Variants in DSG3 observed in about 807,000 individuals in gnomAD.
DSG3 encodes the protein desmoglein-3.
Under a neutral mutation model 85.9 loss-of-function variants are expected in DSG3, and 63 were observed. The ratio of observed to expected loss-of-function variants is 0.73; its 90% CI spans 0.60 to 0.90. The LOEUF is 0.90. DSG3 is among the 40% of genes least tolerant of loss of function. The probability of loss-of-function intolerance (pLI) is 0.00; values close to 1 mark genes in which losing one functional copy is unlikely to be tolerated. For missense variants in DSG3, 1,220 were observed against 1,219.9 expected (o/e 1.00, Z 0.00); for synonymous variants, 447 against 441.9 (o/e 1.01, Z -0.14).
At chr18:31,452,712 T>C (rs1233574500) in intron 1 of DSG3, among the ~76,000 whole-genome samples, 2 of 152,120 alleles carry the variant, frequency 1.3e-5, no homozygotes, top group Non-Finnish European at 2.9e-5. Context: ...TAATTTTTAT[T>C]CCTATTGTAC....
At chr18:31,451,976 A>G (rs936690439) in intron 1 of DSG3, among the ~76,000 whole-genome samples, 1 of 152,218 alleles carries the variant, frequency 6.6e-6, no homozygotes, top group African/African-American at 2.4e-5. Context: ...TCACAAGATG[A>G]ATAATTGAAT....
At position 31,475,760 on chromosome 18, in the gene DSG3, T is replaced by C. The variant is rs1256443738; in HGVS notation, c.2500T>C (p.Cys834Arg). Residue 834 changes from cysteine to arginine, a missense_variant, in exon 16 of 16, where the codon TGC (cysteine) becomes CGC (arginine). By Grantham distance (180) the Cys-to-Arg change is radical. Coordinates refer to ENST00000257189, the MANE Select transcript of DSG3 (RefSeq NM_001944.3). The part of the protein sequence containing the change: ...TGSPVGSVGC[C>R]SFIADDLDDS... ...TTCTCCTGTGGGCTCCGTGGGTTGT[T>C]GCAGTTTTATTGCTGATGACCTGGA... The C allele has an allele frequency of 1.9e-6, 3 of 1,614,216 alleles. No individual in the cohort carries two copies. Among genetic ancestry groups the C allele is most frequent in the Non-Finnish European group, 2.5e-6 (3 of 1,180,042 alleles).
chr18:31,450,387 G>A (rs1463233804), intron 1 of DSG3, among the ~76,000 whole-genome samples: 2 of 152,206 alleles, frequency 1.3e-5, no homozygotes, highest in Non-Finnish European at 2.9e-5. Context: ...AATTGGAAAG[G>A]CAGCTGAGGG....
chr18:31,473,986 C>T, intron 14 of DSG3, 135 bp from the exon 15 acceptor site: 2 of 799,356 alleles, frequency 2.5e-6, no homozygotes, highest in East Asian at 2.7e-5. Flanking sequence ...ATGTTATCAC[C>T]TCTAGTCATA....
At chr18:31,451,267 C>T (rs1303424684) in intron 1 of DSG3, among the ~76,000 whole-genome samples, 1 of 152,158 alleles carries the variant, frequency 6.6e-6, no homozygotes, top group African/African-American at 2.4e-5. Flanking sequence ...AGTTTGTCAT[C>T]CAACACTGCT....
chr18:31,457,556 T>G (rs2072752559), intron 3 of DSG3, among the ~76,000 whole-genome samples: 1 of 110,218 alleles, frequency 9.1e-6, no homozygotes, highest in Non-Finnish European at 1.7e-5. Flanking sequence ...TCTCTTTCTT[T>G]CTTTCTTTCT....
chr18:31,458,749 C>A, intron 4 of DSG3, 149 bp downstream of exon 4: 3 of 992,008 alleles, frequency 3.0e-6, no homozygotes, highest in South Asian at 1.7e-5. Flanking sequence ...TCCACAGAGC[C>A]TCGCCTGAGG....
Position 31,456,847 on chromosome 18 carries a change from A to G in DSG3, c.85-146A>G, listed in dbSNP as rs147705464. ...ATTTAACATTTATTACTTGCTTGAC[A>G]AAGTATCAGGTAGAGCTAATTAGAT... On this transcript the variant is annotated intron_variant, in intron 2 of 15. Transcript: ENST00000257189. 1.8e-3 allele frequency: 1,249 copies of G among 684,172 alleles called. 10 individuals are homozygous for G. The African/African-American group carries it at 0.019, about 11-fold the overall frequency. The allele number at this position is 684,172 out of a possible 1,614,324, so 42.4% of individuals were successfully genotyped here. A position where few individuals can be genotyped will look rare whatever the true frequency, so the allele number is the denominator to read the frequency against.
intron 14 of DSG3, among the ~76,000 whole-genome samples, chr18:31,473,178 C>T (rs1215773631): frequency 1.3e-5 from 2 of 152,180 alleles, no homozygotes; most frequent in African/African-American, 2.4e-5. Context: ...CTTTTCCAAA[C>T]ATTAGTCATA....
At chr18:31,469,372 T>C (rs767478870) in intron 12 of DSG3, 23 bp downstream of exon 12, 2 of 1,611,026 alleles carry the variant, frequency 1.2e-6, no homozygotes, top group African/African-American at 2.7e-5. Flanking sequence ...TGTTTCATTC[T>C]CTGTTGGACC....
intron 3 of DSG3, 42 bp downstream of exon 3, chr18:31,457,166 T>C: frequency 6.4e-7 from 1 of 1,571,874 alleles, no homozygotes; most frequent in Non-Finnish European, 8.6e-7. Flanking sequence ...TTAGAATAAA[T>C]GTATAAGGTG....
chr18:31,475,783 G>A lies in DSG3; in HGVS notation c.2523G>A (p.Leu841=). ...VGCCSFIADD[L]DDSFLDSLGP... is the part of the protein sequence containing the mutation. The stretch of plus-strand genomic sequence containing the variant: ...GTTGCAGTTTTATTGCTGATGACCT[G>A]GATGACAGCTTCTTGGACTCACTTG... The change falls in exon 16 of 16, where the codon CTG becomes CTA. Residue 841 remains leucine (L), a synonymous_variant. Transcript: ENST00000257189. 3.1e-6 allele frequency: 5 copies of A among 1,614,118 alleles called. No homozygotes were observed. Among genetic ancestry groups the A allele is most frequent in the Non-Finnish European group, 4.2e-6 (5 of 1,180,022 alleles).
rs563662050 is a variant in DSG3 at position 31,460,168 on chromosome 18, T to C, written c.684+157T>C. Among the ~76,000 whole-genome samples, 28 of 152,344 alleles carry C rather than the reference T, an allele frequency of 1.8e-4. No individual in the cohort carries two copies. The South Asian group carries it at 5.8e-3, about 32-fold the overall frequency. On this transcript the variant is annotated intron_variant, in intron 6 of 15. Coordinates refer to ENST00000257189, the MANE Select transcript of DSG3 (RefSeq NM_001944.3). ...GGGAAATTGTTTGCATTTTTAAGTG[T>C]GATTCTGGTGAGGCGAGATGTGTAC...
chr18:31,461,816 T>C (rs886601998), intron 8 of DSG3, among the ~76,000 whole-genome samples: 1 of 152,192 alleles, frequency 6.6e-6, no homozygotes, highest in African/African-American at 2.4e-5. Flanking sequence ...TGCCCATTCG[T>C]CAATCGGTTT....
chr18:31,460,917 G>C lies in DSG3; in HGVS notation c.769G>C (p.Val257Leu). 2 of 1,605,478 alleles carry C rather than the reference G, an allele frequency of 1.2e-6. No individual in the cohort carries two copies. Among genetic ancestry groups the C allele is most frequent in the Non-Finnish European group, 1.7e-6 (2 of 1,177,612 alleles). The change falls in exon 7 of 16, where the codon GTG (valine) becomes CTG (leucine). Residue 257 changes from valine to leucine, a missense_variant. Transcript: ENST00000257189. ...AACTCAATGTGAATGTAATATTAAA[G>C]TGAAAGATGTCAACGATAACTTCCC... ...LSTQCECNIK[V>L]KDVNDNFPMF... is the part of the protein sequence containing the mutation.
rs1183553150 is a variant in DSG3 at position 31,477,668 on chromosome 18, T to G, written c.*1408T>G. The G allele has an allele frequency of 6.6e-6, 1 of 152,154 alleles. No homozygotes were observed. The highest frequency in any genetic ancestry group is 1.5e-5 in the Non-Finnish European group (1 of 68,018). The allele number at this position is 152,154 out of a possible 1,614,324, so 9.4% of individuals were successfully genotyped here. Reference sequence around the variant, plus strand: ...AAAGCTTGAGAGTAATAATGTTAGGTTAGCAAAGGTTTAGATGTATCACTT... The same window carrying G: ...AAAGCTTGAGAGTAATAATGTTAGGGTAGCAAAGGTTTAGATGTATCACTT... On this transcript the variant is annotated 3_prime_UTR_variant, in exon 16 of 16. Transcript: ENST00000257189.
rs775979394 is a variant in DSG3, at chr18:31,466,658, A to G, written c.1540A>G (p.Arg514Gly). The G allele has an allele frequency of 1.9e-6, 3 of 1,614,112 alleles. No individual in the cohort carries two copies. In the African/African-American group the frequency reaches 4.0e-5, roughly 22 times the overall value. ...TTCACCTTCCGTGGTTGTCTCCGCT[A>G]GAACACTGAATAATAGATACACTGG... ...SSSPSVVVSA[R>G]TLNNRYTGPY... The change falls in exon 11 of 16, where the codon AGA becomes GGA. Residue 514 changes from arginine to glycine, a missense_variant. Transcript: ENST00000257189.
intron 14 of DSG3, among the ~76,000 whole-genome samples, chr18:31,473,584 CATAGCAAGAGCTATGTAAAGAAT>C (rs2072868535): frequency 6.6e-6 from 1 of 152,196 alleles, no homozygotes; most frequent in African/African-American, 2.4e-5. Context: ...ATTAGAATTA[CATAGCAAGAGCTATGTAAAGAAT>C]TATCTAGAAA....
chr18:31,457,470 T>G (rs1028135461), intron 3 of DSG3, among the ~76,000 whole-genome samples: 1 of 152,236 alleles, frequency 6.6e-6, no homozygotes, highest in Non-Finnish European at 1.5e-5. Flanking sequence ...GGTCATGTAT[T>G]GATAACTGTT....
Sources: allele counts gnomAD v4.1 joint callset (sites outside exome capture counted in the v4.1 genomes callset), GRCh38; gene constraint gnomAD v4.1.1; transcripts MANE v1.5; gene names NCBI Gene and HGNC (gene_info 2026-07-23, HGNC 2026-07-21).